Variants in PSMG4 observed in about 807,000 individuals in gnomAD.
PSMG4 encodes the protein proteasome assembly chaperone 4.
Under a neutral mutation model 11.0 loss-of-function variants are expected in PSMG4, and 10 were observed. That is an observed-to-expected ratio of 0.91 (90% CI 0.56 to 1.54). PSMG4 has a LOEUF of 1.54. Among genes scored for constraint, PSMG4 ranks in the 40% most tolerant of loss-of-function variants. PSMG4 has a pLI of 0.00. For synonymous variants in PSMG4, 95 were observed against 71.3 expected (o/e 1.33, Z -1.68); for missense variants, 198 against 160.9 (o/e 1.23, Z -1.25).
upstream of PSMG4, among the ~76,000 whole-genome samples, chr6:3,254,588 G>T (rs117871065): frequency 6.6e-6 from 1 of 152,130 alleles, no homozygotes; most frequent in African/African-American, 2.4e-5. Flanking sequence ...ACCCAACGAT[G>T]GAAGTAAATA....
intron 1 of PSMG4, among the ~76,000 whole-genome samples, chr6:3,261,215 T>C (rs1484994598): frequency 3.6e-5 from 2 of 55,204 alleles, no homozygotes; most frequent in Non-Finnish European, 9.3e-5. Context: ...ATTCCTTTCT[T>C]GCTTTTCTTT....
chr6:3,258,254 A>G (rs1158845754), upstream of PSMG4, among the ~76,000 whole-genome samples: 5 of 152,146 alleles, frequency 3.3e-5, 1 homozygote, highest in South Asian at 4.1e-4. Flanking sequence ...ACCTGTTCTT[A>G]TTTGCATTTT....
upstream of PSMG4, chr6:3,258,849 C>T (rs1757850489): frequency 1.1e-5 from 6 of 551,718 alleles, no homozygotes; most frequent in Non-Finnish European, 1.6e-5. Flanking sequence ...CTCGACCACG[C>T]CCCCAACCCA....
upstream of PSMG4, chr6:3,255,253 T>G: frequency 6.5e-7 from 1 of 1,548,254 alleles, no homozygotes; most frequent in Non-Finnish European, 8.7e-7. Flanking sequence ...GCTGTTGGGT[T>G]CTGTGTTACC....
chr6:3,257,193 A>G (rs1222147124), upstream of PSMG4, among the ~76,000 whole-genome samples: 3 of 152,210 alleles, frequency 2.0e-5, no homozygotes, highest in African/African-American at 7.2e-5. Flanking sequence ...GGTTTGGGTC[A>G]GCTCAGGGTT....
chr6:3,262,379 C>A (rs553992166), intron 1 of PSMG4, among the ~76,000 whole-genome samples: 5 of 152,242 alleles, frequency 3.3e-5, no homozygotes, highest in African/African-American at 1.2e-4. Flanking sequence ...ACTGTACATA[C>A]TATTACCATG....
upstream of PSMG4, chr6:3,255,141 C>T (rs1275535050): frequency 7.1e-6 from 11 of 1,550,888 alleles, no homozygotes; most frequent in East Asian, 4.9e-5. Context: ...TGGTCATTCT[C>T]TTTGAGGAGC....
chr6:3,259,357 G>A (rs899637583), intron 1 of PSMG4, among the ~76,000 whole-genome samples, 161 bp downstream of exon 1: 2 of 152,186 alleles, frequency 1.3e-5, no homozygotes, highest in African/African-American at 4.8e-5. Context: ...GGGCGCCAGG[G>A]CCTGCACCAC....
At chr6:3,263,622 A>C in intron 1 of PSMG4, 62 bp from the exon 2 acceptor site, 1 of 1,383,960 alleles carries the variant, frequency 7.2e-7, no homozygotes, top group Non-Finnish European at 9.7e-7. Flanking sequence ...CCCGGAAGCC[A>C]GAAGTGTGGC....
At chr6:3,259,300 GC>G (rs1757878398) in intron 1 of PSMG4, 104 bp downstream of exon 1, 1 of 1,060,778 alleles carries the variant, frequency 9.4e-7, no homozygotes, top group Non-Finnish European at 1.2e-6. Context: ...TCCACAGGGC[GC>G]CCTACTCCCC....
At position 3,258,976 on chromosome 6, in the gene PSMG4, G is replaced by A. The variant is rs535627106; in HGVS notation, c.-47G>A. 439 of 1,235,822 alleles carry A rather than the reference G, an allele frequency of 3.6e-4. No homozygotes were observed. In the African/African-American group the frequency reaches 4.4e-3, roughly 12 times the overall value. 76.6% of individuals were successfully genotyped at this position (1,235,822 alleles called of 1,614,324 possible). On this transcript the variant is annotated 5_prime_UTR_variant, in exon 1 of 3. Transcript: ENST00000438998. ...CATCGGGTCTGGCGGGGCTGGCAGCGGCGAGGACCCGGGTCTGGCGCTGTG... is the reference window on the plus strand; with the variant it reads ...CATCGGGTCTGGCGGGGCTGGCAGCAGCGAGGACCCGGGTCTGGCGCTGTG...
intron 1 of PSMG4, among the ~76,000 whole-genome samples, chr6:3,263,064 C>T (rs186914133): frequency 2.7e-4 from 41 of 152,352 alleles, no homozygotes; most frequent in African/African-American, 9.9e-4. Context: ...ATCATTTGTA[C>T]TGCTTGTTTC....
intron 1 of PSMG4, among the ~76,000 whole-genome samples, chr6:3,261,176 G>T (rs1157643035): frequency 2.0e-5 from 3 of 152,210 alleles, no homozygotes; most frequent in Admixed American, 6.5e-5. Flanking sequence ...CGGCACCTGG[G>T]AAGGCCTTGG....
In PSMG4 at chr6:3,267,974, CTG is replaced by C. The variant is rs570592786; in HGVS notation, c.*264_*265del. 780 of 325,862 alleles carry C rather than the reference CTG, an allele frequency of 2.4e-3. 4 individuals carry two copies. The highest frequency in any genetic ancestry group is 0.011 in the African/African-American group (517 of 47,978). The allele number at this position is 325,862 out of a possible 1,614,324, so 20.2% of individuals were successfully genotyped here. ...ATGGGATTTTTGTTGGGATTGAAGA[CTG>C]TAATCTAAGAGTTTCAATCAGACAT... On this transcript the variant is annotated 3_prime_UTR_variant, in exon 3 of 3. Coordinates refer to ENST00000438998, the MANE Select transcript of PSMG4 (RefSeq NM_001128591.2).
At chr6:3,254,500 T>G (rs972286208), upstream of PSMG4, among the ~76,000 whole-genome samples, 4 of 151,996 alleles carry the variant, frequency 2.6e-5, no homozygotes, top group Non-Finnish European at 5.9e-5. Flanking sequence ...TGGTTTTTTG[T>G]GTATGTGTTG....
intron 2 of PSMG4, chr6:3,266,268 A>G (rs1758178530): frequency 6.6e-6 from 1 of 152,140 alleles, no homozygotes. Context: ...TGGTGGGACC[A>G]TAGCTCAGAT....
chr6:3,260,735 G>A (rs1017992460), intron 1 of PSMG4, among the ~76,000 whole-genome samples: 17 of 152,146 alleles, frequency 1.1e-4, no homozygotes, highest in Admixed American at 7.2e-4. Context: ...ATATTTTTTG[G>A]GGAGACACAA....
At chr6:3,258,940 G>T, upstream of PSMG4, 2 of 1,198,444 alleles carry the variant, frequency 1.7e-6, no homozygotes, top group South Asian at 4.2e-5. Flanking sequence ...TCGGTCTCTC[G>T]GTGCTCGCTC....
At position 3,258,958 on chromosome 6, in the gene PSMG4, T is replaced by TCTGGCGGGG; in HGVS notation, c.-59_-51dup. On this transcript the variant is annotated 5_prime_UTR_variant, in exon 1 of 3. Transcript: ENST00000438998. The stretch of plus-strand genomic sequence containing the variant: ...GTCTCTCGGTGCTCGCTCCATCGGG[T>TCTGGCGGGG]CTGGCGGGGCTGGCAGCGGCGAGGA... 1 of 1,221,618 alleles carries TCTGGCGGGG rather than the reference T, an allele frequency of 8.2e-7. No homozygotes were observed. The highest frequency in any genetic ancestry group is 1.0e-6 in the Non-Finnish European group (1 of 977,074). 75.7% of individuals were successfully genotyped at this position (1,221,618 alleles called of 1,614,324 possible).
Sources: gnomAD v4.1 joint callset for allele counts (sites outside exome capture counted in the v4.1 genomes callset) on GRCh38, gnomAD v4.1.1 for gene constraint, MANE v1.5 for transcripts, NCBI Gene and HGNC (gene_info 2026-07-23, HGNC 2026-07-21) for gene names.